SNORC: variants seen among roughly 807,000 people sequenced by gnomAD.
SNORC encodes the protein secondary ossification center associated regulator of chondrocyte maturation.
A neutral mutation model predicts 9.7 loss-of-function variants in SNORC; 11 were observed. The observed-to-expected ratio is 1.14, with a 90% confidence interval of 0.72 to 1.88. The LOEUF is 1.88. Ranked by LOEUF, SNORC falls within the 40% of genes most tolerant of loss-of-function variation. The probability of loss-of-function intolerance (pLI) is 0.00; values close to 1 mark genes in which losing one functional copy is unlikely to be tolerated. For synonymous variants in SNORC, 108 were observed against 88.7 expected (o/e 1.22, Z -1.22); for missense variants, 197 against 173.1 (o/e 1.14, Z -0.77).
At chr2:232,870,547 T>A in intron 1 of SNORC, 133 bp downstream of exon 1, 1 of 878,728 alleles carries the variant, frequency 1.1e-6, no homozygotes, top group Non-Finnish European at 1.7e-6. Flanking sequence ...TTGGGGTGAT[T>A]CTGCGAAGAG....
upstream of SNORC, among the ~76,000 whole-genome samples, chr2:232,870,041 G>GGT (rs979227100): frequency 5.4e-4 from 82 of 152,208 alleles, no homozygotes; most frequent in Non-Finnish European, 9.6e-4. Context: ...AAATGTGGGA[G>GGT]GTGTGTGTGT....
chr2:232,877,157 C>T (rs1050435156), downstream of SNORC: 14 of 985,468 alleles, frequency 1.4e-5, no homozygotes, highest in Middle Eastern at 5.2e-4. Context: ...GAGTCGACGC[C>T]GGACACGGCC....
upstream of SNORC, among the ~76,000 whole-genome samples, chr2:232,869,354 C>T (rs75905710): frequency 0.014 from 2,121 of 152,138 alleles, 22 homozygotes; most frequent in Non-Finnish European, 0.023. Context: ...TGAGCAGGGC[C>T]GAGGCAAGCC....
chr2:232,875,505 G>A, intron 1 of SNORC: 1 of 438,544 alleles, frequency 2.3e-6, no homozygotes, highest in Non-Finnish European at 4.7e-6. Context: ...GGGATGGATG[G>A]CCCAGGGTTG....
exon 1 of SNORC, chr2:232,870,293 C>T (rs1192018808): frequency 1.3e-5 from 19 of 1,491,690 alleles, no homozygotes; most frequent in African/African-American, 5.6e-5. Flanking sequence ...AGTTAACCAG[C>T]GCAGTCCTCC....
Position 232,876,138 on chromosome 2 carries a change from G to A in SNORC, c.256+16G>A, listed in dbSNP as rs1370537486. On this transcript the variant is annotated intron_variant, in intron 2 of 2. Coordinates refer to ENST00000331342, the Ensembl canonical transcript of SNORC. This position sits in a 1 kb window ranked among gnomAD's most constrained non-coding sequence, Gnocchi z 6.8. Reference sequence around the variant, plus strand: ...CAGGGCGGCGGTACGGGCGGGGCGGGGGAGGGAGGGGAGAGGGAGAAATTA... The same window carrying A: ...CAGGGCGGCGGTACGGGCGGGGCGGAGGAGGGAGGGGAGAGGGAGAAATTA... The A allele has an allele frequency of 4.2e-5, 63 of 1,485,234 alleles. No individual in the cohort carries two copies. The highest frequency in any genetic ancestry group is 5.3e-5 in the Non-Finnish European group (60 of 1,125,232). 92.0% of individuals were successfully genotyped at this position (1,485,234 alleles called of 1,614,324 possible).
upstream of SNORC, among the ~76,000 whole-genome samples, chr2:232,868,442 G>A (rs189437704): frequency 1.8e-4 from 27 of 152,046 alleles, no homozygotes; most frequent in African/African-American, 5.3e-4. Flanking sequence ...GCGTCCACCC[G>A]GCCTCTGCTG....
At position 232,876,074 on chromosome 2, in the gene SNORC, C is replaced by T; in HGVS notation, c.208C>T (p.Pro70Ser). 6.5e-7 allele frequency: 1 copy of T among 1,533,898 alleles called. No homozygotes were observed. Among genetic ancestry groups the T allele is most frequent in the South Asian group, 1.2e-5 (1 of 83,852 alleles). The change falls in exon 2 of 3, where the codon CCA (proline) becomes TCA (serine). Residue 70 changes from proline (P) to serine (S), a missense_variant. Transcript: ENST00000331342. The surrounding 1 kb of genome is among the most constrained non-coding windows in gnomAD (Gnocchi z 6.8). The stretch of plus-strand genomic sequence containing the variant: ...CGGTCCCCCAGCCCCCACCGTCGCG[C>T]CAGGACCCGAGGACAGCACCGCGCA...
At chr2:232,873,642 T>C (rs1447022589) in intron 1 of SNORC, among the ~76,000 whole-genome samples, 1 of 152,174 alleles carries the variant, frequency 6.6e-6, no homozygotes, top group Non-Finnish European at 1.5e-5. Flanking sequence ...TTGGACATGT[T>C]CAGGCAGTCA....
At chr2:232,872,769 C>G (rs545615227) in intron 1 of SNORC, among the ~76,000 whole-genome samples, 1 of 152,352 alleles carries the variant, frequency 6.6e-6, no homozygotes, top group South Asian at 2.1e-4. Flanking sequence ...CTCCCAGCTT[C>G]CCAGAAGGAT....
At chr2:232,877,775 C>T (rs569556748), downstream of SNORC, 1 of 152,270 alleles carries the variant, frequency 6.6e-6, no homozygotes, top group Non-Finnish European at 1.5e-5. Flanking sequence ...TTCAATGATT[C>T]TGCTTATAAA....
upstream of SNORC, among the ~76,000 whole-genome samples, chr2:232,870,099 C>G (rs888586221): frequency 6.6e-6 from 1 of 150,874 alleles, no homozygotes; most frequent in African/African-American, 2.4e-5. Flanking sequence ...TCCTCTTTCC[C>G]TCTCCAAGAG....
upstream of SNORC, among the ~76,000 whole-genome samples, chr2:232,868,187 C>T (rs1324638468): frequency 6.7e-6 from 1 of 150,278 alleles, no homozygotes; most frequent in Non-Finnish European, 1.5e-5. Context: ...TCCTCCACCT[C>T]CCAAGCTCAA....
At chr2:232,870,847 T>C (rs1691001057) in intron 1 of SNORC, among the ~76,000 whole-genome samples, 1 of 152,150 alleles carries the variant, frequency 6.6e-6, no homozygotes, top group African/African-American at 2.4e-5. Flanking sequence ...GCGACGTCCT[T>C]AGAGAATGAG....
chr2:232,875,493 C>T (rs569791055), intron 1 of SNORC: 34 of 427,144 alleles, frequency 8.0e-5, no homozygotes, highest in South Asian at 5.2e-4. Context: ...GTCTGGTTGC[C>T]GGGGATGGAT....
downstream of SNORC, chr2:232,876,489 G>T: frequency 2.3e-6 from 3 of 1,316,464 alleles, no homozygotes; most frequent in Non-Finnish European, 2.9e-6. This position sits in a 1 kb window ranked among gnomAD's most constrained non-coding sequence, Gnocchi z 6.8. Context: ...CGCTCAGGGC[G>T]GGGGTGCGCG....
downstream of SNORC, chr2:232,876,766 C>G (rs1332268393): frequency 2.0e-6 from 2 of 985,414 alleles, no homozygotes; most frequent in Non-Finnish European, 2.4e-6. This position sits in a 1 kb window ranked among gnomAD's most constrained non-coding sequence, Gnocchi z 6.8. Context: ...GCGGTCTTAG[C>G]CCGTCCGGGG....
intron 1 of SNORC, among the ~76,000 whole-genome samples, chr2:232,874,238 C>T (rs1691133238): frequency 6.6e-6 from 1 of 152,248 alleles, no homozygotes; most frequent in South Asian, 2.1e-4. Flanking sequence ...AATCCTCTAT[C>T]TGAATGCTGA....
At chr2:232,868,821 A>G (rs1028941598), upstream of SNORC, among the ~76,000 whole-genome samples, 3 of 152,200 alleles carry the variant, frequency 2.0e-5, no homozygotes, top group African/African-American at 7.2e-5. Flanking sequence ...GACTTCACTA[A>G]GCACACCCCT....
Sources: allele counts gnomAD v4.1 joint callset (sites outside exome capture counted in the v4.1 genomes callset), GRCh38; gene constraint gnomAD v4.1.1; non-coding constraint Gnocchi (gnomAD v3.1); transcripts MANE v1.5; gene names NCBI Gene and HGNC (gene_info 2026-07-23, HGNC 2026-07-21).